Variants in COL25A1 observed in about 807,000 individuals in gnomAD.
COL25A1 encodes the protein collagen type XXV alpha 1 chain.
Under a neutral mutation model 128.4 loss-of-function variants are expected in COL25A1, and 103 were observed. The observed-to-expected ratio is 0.80, with a 90% CI of 0.68 to 0.94. COL25A1 has a LOEUF of 0.94. Ranked by LOEUF, COL25A1 falls within the 40% of genes least tolerant of loss-of-function variation. The pLI is 0.00. For synonymous variants in COL25A1, 279 were observed against 277.2 expected (o/e 1.01, Z -0.06); for missense variants, 745 against 840.0 (o/e 0.89, Z 1.40).
chr4:109,168,855 T>C (rs1400487341), intron 3 of COL25A1, among the ~76,000 whole-genome samples: 1 of 152,334 alleles, frequency 6.6e-6, no homozygotes, highest in East Asian at 1.9e-4. Context: ...TTTATATCTC[T>C]TGATGTGAAT....
chr4:109,258,218 C>A (rs541526466), intron 3 of COL25A1, among the ~76,000 whole-genome samples: 30 of 152,320 alleles, frequency 2.0e-4, no homozygotes, highest in African/African-American at 7.2e-4. Context: ...ATTCCTAAAA[C>A]ACTGTTTTGA....
chr4:109,255,457 T>C (rs1398848838), intron 3 of COL25A1, among the ~76,000 whole-genome samples: 1 of 152,206 alleles, frequency 6.6e-6, no homozygotes, highest in South Asian at 2.1e-4. Flanking sequence ...TCTAAAGCCA[T>C]GGGTCTCCCC....
intron 24 of COL25A1, chr4:108,854,065 A>G (rs1314976352): frequency 1.3e-5 from 2 of 152,140 alleles, no homozygotes; most frequent in Non-Finnish European, 2.9e-5. Flanking sequence ...ATAACACCAC[A>G]CACCTACAAC....
chr4:109,253,238 T>C (rs1780783580), intron 3 of COL25A1, among the ~76,000 whole-genome samples: 1 of 152,128 alleles, frequency 6.6e-6, no homozygotes. Context: ...TGATAAGGAA[T>C]TTGTGCACAT....
intron 24 of COL25A1, among the ~76,000 whole-genome samples, chr4:108,854,817 AT>A (rs1736281126): frequency 6.6e-6 from 1 of 152,168 alleles, no homozygotes; most frequent in African/African-American, 2.4e-5. Flanking sequence ...TTCCTCAAGG[AT>A]CTAGAACTAG....
chr4:109,030,857 A>C (rs2125914899), intron 5 of COL25A1, among the ~76,000 whole-genome samples: 1 of 151,784 alleles, frequency 6.6e-6, no homozygotes, highest in Middle Eastern at 3.4e-3. Flanking sequence ...GGCTCAAGCG[A>C]TCCTCCCACC....
chr4:109,257,775 T>A (rs976345802), intron 3 of COL25A1, among the ~76,000 whole-genome samples: 17 of 152,248 alleles, frequency 1.1e-4, no homozygotes, highest in African/African-American at 3.9e-4. Context: ...TATGATGAAG[T>A]GGGCATGTAA....
At chr4:108,925,754 A>T (rs1372121065) in intron 11 of COL25A1, among the ~76,000 whole-genome samples, 1 of 152,192 alleles carries the variant, frequency 6.6e-6, no homozygotes, top group Non-Finnish European at 1.5e-5. Context: ...TCATTCTAAC[A>T]TTGCTGGCCT....
intron 3 of COL25A1, among the ~76,000 whole-genome samples, chr4:109,275,837 G>A (rs1560968200): frequency 6.6e-6 from 1 of 152,098 alleles, no homozygotes; most frequent in African/African-American, 2.4e-5. Flanking sequence ...GGTTTGTCTA[G>A]CTACCACCCT....
chr4:108,928,009 T>C (rs753799207), intron 11 of COL25A1, among the ~76,000 whole-genome samples: 19 of 152,130 alleles, frequency 1.2e-4, no homozygotes, highest in Non-Finnish European at 2.5e-4. Context: ...CTCCAGCCCT[T>C]CTAAATATTT....
chr4:108,886,485 TGTGTGTG>T (rs768487141), intron 18 of COL25A1, among the ~76,000 whole-genome samples: 14,673 of 115,622 alleles, frequency 0.13, 1,094 homozygotes, highest in Non-Finnish European at 0.17. Flanking sequence ...TGTGTGTGTG[TGTGTGTG>T]TTTAGCTCAT....
At chr4:108,852,872 A>G in intron 25 of COL25A1, 30 bp downstream of exon 25, 1 of 1,598,880 alleles carries the variant, frequency 6.3e-7, no homozygotes, top group South Asian at 1.1e-5. Flanking sequence ...ACAAAACCAC[A>G]AACCACAGAA....
At chr4:109,225,593 C>T (rs965916701) in intron 3 of COL25A1, among the ~76,000 whole-genome samples, 1 of 152,114 alleles carries the variant, frequency 6.6e-6, no homozygotes, top group Non-Finnish European at 1.5e-5. Flanking sequence ...AGCAATTCTA[C>T]TACTGGGTAT....
chr4:109,126,074 T>C (rs1028064232), intron 3 of COL25A1, among the ~76,000 whole-genome samples: 11 of 152,322 alleles, frequency 7.2e-5, no homozygotes, highest in African/African-American at 2.4e-4. Flanking sequence ...GTAATATTTT[T>C]TGTAGGAAGA....
At chr4:108,887,587 T>G (rs1740981528) in intron 18 of COL25A1, among the ~76,000 whole-genome samples, 2 of 152,184 alleles carry the variant, frequency 1.3e-5, no homozygotes, top group Non-Finnish European at 2.9e-5. Context: ...TGTAAGACTT[T>G]AAGGATTCTA....
At chr4:109,145,288 T>C (rs1327067563) in intron 3 of COL25A1, among the ~76,000 whole-genome samples, 1 of 151,972 alleles carries the variant, frequency 6.6e-6, no homozygotes, top group Non-Finnish European at 1.5e-5. Context: ...AGGATGGTCT[T>C]GATCTCCTGA....
chr4:108,944,072 C>G (rs1245998892), intron 8 of COL25A1, among the ~76,000 whole-genome samples: 1 of 152,168 alleles, frequency 6.6e-6, no homozygotes, highest in African/African-American at 2.4e-5. Flanking sequence ...AGTTTGTAGT[C>G]TGAAGACATT....
chr4:108,850,655 C>T (rs1001189259), intron 26 of COL25A1, among the ~76,000 whole-genome samples: 3 of 152,160 alleles, frequency 2.0e-5, no homozygotes, highest in Non-Finnish European at 2.9e-5. Flanking sequence ...TGCACTTACT[C>T]TATTAATAAT....
At chr4:109,275,353 A>G (rs1179908630) in intron 3 of COL25A1, among the ~76,000 whole-genome samples, 2 of 152,186 alleles carry the variant, frequency 1.3e-5, no homozygotes, top group African/African-American at 4.8e-5. Context: ...GACACTAAAC[A>G]GGCTTTGAAC....
Sources: allele counts gnomAD v4.1 joint callset (sites outside exome capture counted in the v4.1 genomes callset), GRCh38; gene constraint gnomAD v4.1.1; transcripts MANE v1.5; gene names NCBI Gene and HGNC (gene_info 2026-07-23, HGNC 2026-07-21).